Variants in LTBP1 observed in about 807,000 individuals in gnomAD.
The protein encoded by LTBP1 is latent transforming growth factor beta binding protein 1, also known as latent-transforming growth factor beta-binding protein 1.
A neutral mutation model predicts 207.6 loss-of-function variants in LTBP1; 129 were observed. That is an observed-to-expected ratio of 0.62 (90% CI 0.54 to 0.72). The LOEUF is 0.72. Among genes scored for constraint, LTBP1 ranks in the 30% least tolerant of loss-of-function variants. The pLI, the probability that LTBP1 is intolerant of heterozygous loss-of-function variation, is 0.00. For synonymous variants in LTBP1, 963 were observed against 833.7 expected, an observed-to-expected ratio of 1.16 and a Z score of -2.67; for missense variants, 2,281 against 2,217.2, an observed-to-expected ratio of 1.03 and a Z score of -0.58.
chr2:33,017,131 T>C (rs1451751800), intron 2 of LTBP1, among the ~76,000 whole-genome samples: 1 of 152,252 alleles, frequency 6.6e-6, no homozygotes, highest in African/African-American at 2.4e-5. Context: ...AATTTTTGCA[T>C]TGGCCATGAA....
At chr2:33,245,048 T>A (rs1457185911) in intron 10 of LTBP1, among the ~76,000 whole-genome samples, 1 of 152,088 alleles carries the variant, frequency 6.6e-6, no homozygotes, top group Non-Finnish European at 1.5e-5. Context: ...CCAGCTAATT[T>A]TTTGTATTTT....
chr2:32,971,158 G>T lies in LTBP1; in HGVS notation c.565+22213G>T, dbSNP rs116320414. Among the ~76,000 whole-genome samples the T allele has an allele frequency of 6.8e-3, 1,041 of 152,040 alleles. 12 individuals are homozygous for T. The highest frequency in any genetic ancestry group is 0.023 in the African/African-American group (953 of 41,476). The stretch of plus-strand genomic sequence containing the variant: ...TATTGATACTGTATCCTGAAACTTC[G>T]TTGAAGTTATTTATCACATCTAGGA... On this transcript the variant is annotated intron_variant, in intron 2 of 33. Transcript: ENST00000404816.
chr2:33,300,425 A>G, intron 20 of LTBP1, 26 bp from the exon 21 acceptor site: 1 of 1,608,818 alleles, frequency 6.2e-7, no homozygotes. Flanking sequence ...TCTTTTTCAG[A>G]AAAATTGCCG....
intron 5 of LTBP1, among the ~76,000 whole-genome samples, chr2:33,162,262 T>C (rs17012612): frequency 0.017 from 2,532 of 152,338 alleles, 24 homozygotes; most frequent in East Asian, 0.027. Context: ...GGTTTATACA[T>C]AATAAATGCC....
intron 2 of LTBP1, among the ~76,000 whole-genome samples, chr2:32,971,886 C>T (rs1330280779): frequency 6.6e-6 from 1 of 152,096 alleles, no homozygotes; most frequent in East Asian, 1.9e-4. Flanking sequence ...ACAACCTCTT[C>T]TTTATATGTC....
chr2:33,157,669 G>A (rs1315308446), intron 5 of LTBP1, among the ~76,000 whole-genome samples: 2 of 152,178 alleles, frequency 1.3e-5, no homozygotes, highest in African/African-American at 4.8e-5. Context: ...GCCATCTATA[G>A]GATGATGGTG....
intron 32 of LTBP1, among the ~76,000 whole-genome samples, chr2:33,393,234 C>CTTT (rs569734292): frequency 0.012 from 592 of 48,300 alleles, no homozygotes; most frequent in East Asian, 0.035. Context: ...CCTTCTTCTT[C>CTTT]TTTTTTTTTT....
chr2:33,216,898 C>T (rs1445469998), intron 7 of LTBP1, among the ~76,000 whole-genome samples: 2 of 152,282 alleles, frequency 1.3e-5, no homozygotes, highest in Middle Eastern at 3.4e-3. Context: ...CACCAGTAGC[C>T]TCTAAGTCCT....
chr2:33,263,779 C>A (rs1245149568), intron 15 of LTBP1, among the ~76,000 whole-genome samples: 2 of 151,440 alleles, frequency 1.3e-5, no homozygotes, highest in Non-Finnish European at 2.9e-5. Flanking sequence ...TGGCGAAACC[C>A]CGTCTCTACT....
Position 33,257,380 on chromosome 2 carries a change from T to A in LTBP1, c.2264T>A (p.Val755Glu). The stretch of plus-strand genomic sequence containing the variant: ...CATCACCATGTAGGTAAAGGACCTG[T>A]ATTTGTCAAGCCAAAGAACACTCAA... The part of the protein sequence containing the change: ...PIHHHVGKGP[V>E]FVKPKNTQPV... Residue 755 changes from valine (V) to glutamate (E), a missense_variant, in exon 12 of 34, where the codon GTA (valine) becomes GAA (glutamate). Transcript: ENST00000404816. 6.2e-7 allele frequency: 1 copy of A among 1,614,208 alleles called. No individual in the cohort carries two copies. Among genetic ancestry groups the A allele is most frequent in the Non-Finnish European group, 8.5e-7 (1 of 1,180,030 alleles).
intron 10 of LTBP1, among the ~76,000 whole-genome samples, chr2:33,249,843 C>T (rs2092632190): frequency 6.6e-6 from 1 of 152,206 alleles, no homozygotes; most frequent in Admixed American, 6.5e-5. Context: ...CCTTTATTAT[C>T]ACTCCTCAGT....
intron 26 of LTBP1, among the ~76,000 whole-genome samples, chr2:33,351,371 C>T (rs1276113947): frequency 6.6e-6 from 1 of 152,216 alleles, no homozygotes; most frequent in African/African-American, 2.4e-5. Flanking sequence ...TTCACCATTT[C>T]TAATTTTAGG....
intron 32 of LTBP1, among the ~76,000 whole-genome samples, chr2:33,392,149 G>A (rs1233181004): frequency 1.3e-5 from 2 of 151,702 alleles, no homozygotes; most frequent in African/African-American, 2.4e-5. Context: ...GCAGAGAATA[G>A]GCAAACATTT....
In LTBP1 at chr2:33,398,660, G is replaced by A; in HGVS notation, c.*115G>A. ...CCGGAAGGCTGGAAATACAGAAACA[G>A]CATGGAATTGCAAGTCCTCTGAAGA... is the stretch of plus-strand genomic sequence containing the variant. On this transcript the variant is annotated 3_prime_UTR_variant, in exon 34 of 34. Transcript: ENST00000404816. 3.1e-6 allele frequency: 3 copies of A among 973,094 alleles called. No individual in the cohort carries two copies. The highest frequency in any genetic ancestry group is 3.1e-5 in the Admixed American group (1 of 32,584). The allele number at this position is 973,094 out of a possible 1,614,324, so 60.3% of individuals were successfully genotyped here. A position where few individuals can be genotyped will look rare whatever the true frequency, so the allele number is the denominator to read the frequency against.
intron 32 of LTBP1, among the ~76,000 whole-genome samples, chr2:33,390,670 C>T (rs942044319): frequency 1.3e-5 from 2 of 151,738 alleles, no homozygotes; most frequent in African/African-American, 2.4e-5. Flanking sequence ...GTATTTTTTC[C>T]GTAGAGATGG....
intron 17 of LTBP1, 40 bp from the exon 18 acceptor site, chr2:33,275,761 T>C (rs1432403339): frequency 6.2e-7 from 1 of 1,612,888 alleles, no homozygotes; most frequent in East Asian, 2.2e-5. Context: ...GAAACAGTAT[T>C]TGGAACACAA....
intron 4 of LTBP1, among the ~76,000 whole-genome samples, chr2:33,122,446 G>T (rs1357577580): frequency 6.6e-6 from 1 of 152,180 alleles, no homozygotes; most frequent in African/African-American, 2.4e-5. Context: ...TGGAAAGCGG[G>T]TGGGCAGTTG....
chr2:33,081,376 CAT>C (rs2078387869), intron 3 of LTBP1, among the ~76,000 whole-genome samples: 1 of 152,070 alleles, frequency 6.6e-6, no homozygotes, highest in Non-Finnish European at 1.5e-5. Flanking sequence ...CATATACACA[CAT>C]GTGCCCACAT....
chr2:33,108,793 G>T (rs2080221540), intron 3 of LTBP1, among the ~76,000 whole-genome samples: 1 of 152,178 alleles, frequency 6.6e-6, no homozygotes, highest in African/African-American at 2.4e-5. Flanking sequence ...TTTCCAAGAG[G>T]CTGATAGAAG....
Sources: allele counts gnomAD v4.1 joint callset (sites outside exome capture counted in the v4.1 genomes callset), GRCh38; gene constraint gnomAD v4.1.1; transcripts MANE v1.5; gene names NCBI Gene and HGNC (gene_info 2026-07-23, HGNC 2026-07-21).